Variants in JMJD1C observed in about 807,000 individuals in gnomAD.
JMJD1C encodes the protein jumonji domain containing 1C, also known as jumonji domain-containing protein 1C.
A neutral mutation model predicts 245.3 loss-of-function variants in JMJD1C; 31 were observed. The observed-to-expected ratio is 0.13, with a 90% CI of 0.09 to 0.17. The LOEUF is 0.17. Ranked by LOEUF, JMJD1C falls within the 10% of genes least tolerant of loss-of-function variation. JMJD1C has a pLI of 1.00. For synonymous variants in JMJD1C, 1,057 were observed against 1,017.4 expected, an observed-to-expected ratio of 1.04 and a Z score of -0.74; for missense variants, 2,691 against 3,000.2, an observed-to-expected ratio of 0.90 and a Z score of 2.41.
chr10:63,176,693 T>A (rs1473456485), intron 23 of JMJD1C: 1 of 449,662 alleles, frequency 2.2e-6, no homozygotes, highest in Non-Finnish European at 4.0e-6. Flanking sequence ...CTTAACAGTT[T>A]ACTACTTCCT....
intron 18 of JMJD1C, among the ~76,000 whole-genome samples, chr10:63,188,195 C>T (rs751967259): frequency 2.1e-4 from 32 of 152,132 alleles, no homozygotes; most frequent in Admixed American, 3.3e-4. Flanking sequence ...ATTATGAAAA[C>T]AATTATTTGT....
chr10:63,239,413 A>G (rs974742456), intron 3 of JMJD1C, among the ~76,000 whole-genome samples: 3 of 152,146 alleles, frequency 2.0e-5, no homozygotes, highest in Admixed American at 2.0e-4. Context: ...ACTAATATGT[A>G]AGGGCAAGAG....
Position 63,507,761 on chromosome 10 carries a change from G to T in JMJD1C, n.113+13977C>A, listed in dbSNP as rs367707831. Reference sequence around the variant, plus strand: ...TTGTGTCATCGGTGTTCTGAATTTTGGGCATTCTAATAGGTACATGGTGGT... The same window carrying T: ...TTGTGTCATCGGTGTTCTGAATTTTTGGCATTCTAATAGGTACATGGTGGT... On this transcript the variant is annotated intron_variant and non_coding_transcript_variant, in intron 1 of 3. Coordinates refer to the JMJD1C transcript ENST00000633035. 4.6e-5 allele frequency among the ~76,000 whole-genome samples: 7 copies of T among 151,120 alleles called. No homozygotes were observed. In the East Asian group the frequency reaches 1.4e-3, roughly 29 times the overall value.
chr10:63,269,016 C>G, intron 2 of JMJD1C: 1 of 985,438 alleles, frequency 1.0e-6, no homozygotes, highest in Admixed American at 6.1e-5. Context: ...GTGTTAACGA[C>G]TAAGAAATCC....
At chr10:63,255,623 T>G (rs982124898) in intron 3 of JMJD1C, among the ~76,000 whole-genome samples, 2 of 152,228 alleles carry the variant, frequency 1.3e-5, no homozygotes, top group African/African-American at 4.8e-5. Flanking sequence ...CTTTTAAAAC[T>G]TAATCTACTT....
At chr10:63,403,133 A>G (rs1453961790) in intron 1 of JMJD1C, among the ~76,000 whole-genome samples, 2 of 152,212 alleles carry the variant, frequency 1.3e-5, no homozygotes, top group Non-Finnish European at 2.9e-5. Context: ...GAAAGAGGTT[A>G]GTGTCAGCAA....
chr10:63,501,551 G>C (rs1299519359), intron 1 of JMJD1C, among the ~76,000 whole-genome samples: 1 of 152,172 alleles, frequency 6.6e-6, no homozygotes, highest in African/African-American at 2.4e-5. Flanking sequence ...GCCGAGGAGG[G>C]TGATTCACGA....
At chr10:63,457,084 T>C (rs1285459193) in intron 1 of JMJD1C, among the ~76,000 whole-genome samples, 1 of 152,188 alleles carries the variant, frequency 6.6e-6, no homozygotes, top group Non-Finnish European at 1.5e-5. Flanking sequence ...CTCTTGTGTT[T>C]TAAAAATTTC....
intron 2 of JMJD1C, among the ~76,000 whole-genome samples, chr10:63,267,950 C>T (rs990424615): frequency 6.6e-6 from 1 of 151,862 alleles, no homozygotes; most frequent in African/African-American, 2.4e-5. Context: ...GAGCCCTCCC[C>T]GAAAAACATT....
At chr10:63,263,188 T>C (rs1254096440) in intron 3 of JMJD1C, among the ~76,000 whole-genome samples, 11 of 152,230 alleles carry the variant, frequency 7.2e-5, no homozygotes, top group Admixed American at 7.2e-4. Context: ...GGATTTGCTA[T>C]GAAATAAATA....
At chr10:63,277,430 A>T (rs1856905568) in intron 2 of JMJD1C, among the ~76,000 whole-genome samples, 1 of 152,224 alleles carries the variant, frequency 6.6e-6, no homozygotes, top group Admixed American at 6.5e-5. Flanking sequence ...AGTTGTCTGC[A>T]GCAGCCCTTT....
At chr10:63,254,994 T>C (rs1365790006) in intron 3 of JMJD1C, among the ~76,000 whole-genome samples, 2 of 151,938 alleles carry the variant, frequency 1.3e-5, no homozygotes, top group African/African-American at 4.8e-5. Context: ...GCTGGGACTA[T>C]ACACGTGCAC....
chr10:63,208,965 C>T, intron 9 of JMJD1C, 98 bp downstream of exon 9: 5 of 1,150,856 alleles, frequency 4.3e-6, no homozygotes, highest in Non-Finnish European at 6.2e-6. Context: ...AAAGCCTAAT[C>T]TTAAGATATG....
intron 3 of JMJD1C, among the ~76,000 whole-genome samples, chr10:63,225,382 G>A (rs901812746): frequency 2.6e-5 from 4 of 152,140 alleles, no homozygotes; most frequent in Non-Finnish European, 4.4e-5. Context: ...TCTTAAATGA[G>A]GTTTGGGGGT....
chr10:63,208,295 G>A lies in JMJD1C; in HGVS notation c.3374C>T (p.Ala1125Val), dbSNP rs1438510127. 6 of 1,613,890 alleles carry A rather than the reference G, an allele frequency of 3.7e-6. No homozygotes were observed. The highest frequency in any genetic ancestry group is 1.3e-5 in the African/African-American group (1 of 74,878). The stretch of plus-strand genomic sequence containing the variant: ...AGGATTAGCTGCTGCCGCTGCAAGG[G>A]CATTACTCTGTTTATCACCGTAAAT... ...SNIYGDKQSN[A>V]LAAAAANPQT... is the part of the protein sequence containing the mutation. Residue 1125 changes from alanine to valine, a missense_variant, in exon 10 of 26, where the codon GCC (alanine) becomes GTC (valine). Around this residue, in one of 9 missense-constraint regions of JMJD1C, gnomAD observed 1,562 missense variants for 1,490.7 expected, o/e 1.05. Coordinates refer to ENST00000399262, the MANE Select transcript of JMJD1C (RefSeq NM_032776.3).
At chr10:63,308,655 C>T (rs1938645248) in intron 2 of JMJD1C, among the ~76,000 whole-genome samples, 1 of 137,684 alleles carries the variant, frequency 7.3e-6, no homozygotes, top group African/African-American at 2.7e-5. Flanking sequence ...CTTAAGGAAA[C>T]CTCCCAGAAA....
At chr10:63,341,813 C>T (rs920454653) in intron 2 of JMJD1C, among the ~76,000 whole-genome samples, 1 of 152,196 alleles carries the variant, frequency 6.6e-6, no homozygotes, top group African/African-American at 2.4e-5. Flanking sequence ...TATTAACACA[C>T]GTTCTTGAAC....
At chr10:63,304,167 T>C (rs748274475) in intron 2 of JMJD1C, among the ~76,000 whole-genome samples, 3 of 152,246 alleles carry the variant, frequency 2.0e-5, no homozygotes, top group African/African-American at 4.8e-5. Context: ...TAAATTGTTA[T>C]GACCTCAAAA....
At chr10:63,486,477 C>T (rs748775769) in intron 1 of JMJD1C, among the ~76,000 whole-genome samples, 6 of 152,024 alleles carry the variant, frequency 3.9e-5, no homozygotes, top group Non-Finnish European at 8.8e-5. Context: ...ACCTGTGGCA[C>T]GGAAAATGGA....
Sources: gnomAD v4.1 joint callset for allele counts (sites outside exome capture counted in the v4.1 genomes callset) on GRCh38, gnomAD v4.1.1 for gene constraint, gnomAD v4.1.1 regional missense constraint, MANE v1.5 for transcripts, NCBI Gene and HGNC (gene_info 2026-07-23, HGNC 2026-07-21) for gene names.